ZNF385D: variants seen among roughly 807,000 people sequenced by gnomAD.
The protein encoded by ZNF385D is zinc finger protein 385D.
In ZNF385D, 15 loss-of-function variants were observed where a neutral mutation model predicts 35.8. That is an observed-to-expected ratio of 0.42 (90% CI 0.28 to 0.64). The LOEUF (loss-of-function observed/expected upper bound fraction) is 0.64, where lower values mean the gene tolerates loss of function less well. ZNF385D is among the 30% of genes least tolerant of loss of function. The pLI is 0.23. For synonymous variants in ZNF385D, 212 were observed against 186.8 expected, an observed-to-expected ratio of 1.13 and a Z score of -1.10; for missense variants, 474 against 494.6, an observed-to-expected ratio of 0.96 and a Z score of 0.39.
At chr3:21,782,792 A>G (rs892102013) in intron 3 of ZNF385D, among the ~76,000 whole-genome samples, 4 of 152,130 alleles carry the variant, frequency 2.6e-5, no homozygotes, top group Non-Finnish European at 5.9e-5. Context: ...TTAGGGTGAG[A>G]GTGATAAAAT....
Position 22,144,313 on chromosome 3 carries a change from C to T in ZNF385D, c.325+24504G>A, listed in dbSNP as rs372205213. Among the ~76,000 whole-genome samples the T allele has an allele frequency of 8.5e-5, 13 of 152,174 alleles. 2 individuals are homozygous for T. Among genetic ancestry groups the T allele is most frequent in the East Asian group, 5.8e-4 (3 of 5,172 alleles). On this transcript the variant is annotated intron_variant, in intron 3 of 5. Coordinates refer to the ZNF385D transcript ENST00000494108. ...ATGTGGTCAGGCATGGGAGCTCACACCTGTAATCTCAGCACTACTGGAGGC... is the reference window on the plus strand; with the variant it reads ...ATGTGGTCAGGCATGGGAGCTCACATCTGTAATCTCAGCACTACTGGAGGC...
At position 21,437,145 on chromosome 3, in the gene ZNF385D, G is replaced by C; in HGVS notation, c.498C>G (p.Ser166Arg). ...STTTTVEIRK[S>R]SVMTTEITSK... Reference sequence around the variant, plus strand: ...AGGTGATCTCAGTTGTCATAACACTGCTTTTGCGGATTTCCACAGTTGTCG... The same window carrying C: ...AGGTGATCTCAGTTGTCATAACACTCCTTTTGCGGATTTCCACAGTTGTCG... The change falls in exon 5 of 8, where the codon AGC (serine) becomes AGG (arginine). Residue 166 changes from serine (S) to arginine (R), a missense_variant. Ser to Arg is a moderately radical substitution (Grantham distance 110). Coordinates refer to ENST00000281523, the MANE Select transcript of ZNF385D (RefSeq NM_024697.3). 6.2e-7 allele frequency: 1 copy of C among 1,613,868 alleles called. No individual in the cohort carries two copies. The highest frequency in any genetic ancestry group is 1.1e-5 in the South Asian group (1 of 91,086).
intron 3 of ZNF385D, among the ~76,000 whole-genome samples, chr3:22,114,332 A>C (rs1459011247): frequency 6.6e-6 from 1 of 152,148 alleles, no homozygotes; most frequent in African/African-American, 2.4e-5. Flanking sequence ...GAAAACTGAT[A>C]AACAGTCTGT....
chr3:21,813,239 G>C lies in ZNF385D; in HGVS notation c.326-148211C>G, dbSNP rs1193995308. Among the ~76,000 whole-genome samples the C allele has an allele frequency of 3.6e-5, 4 of 112,174 alleles. No individual in the cohort carries two copies. In the East Asian group the frequency reaches 8.1e-4, roughly 23 times the overall value. 73.6% of individuals were successfully genotyped at this position (112,174 alleles called of 152,430 possible). A position where few individuals can be genotyped will look rare whatever the true frequency, so the allele number is the denominator to read the frequency against. Reference sequence around the variant, plus strand: ...AAAGGTAAATAAAACCACAAAGATGGGGAGAAACCAGCACAGAAAAGCTGA... The same window carrying C: ...AAAGGTAAATAAAACCACAAAGATGCGGAGAAACCAGCACAGAAAAGCTGA... On this transcript the variant is annotated intron_variant, in intron 3 of 5. Transcript: ENST00000494108.
intron 3 of ZNF385D, among the ~76,000 whole-genome samples, chr3:22,150,854 G>A (rs1359688603): frequency 6.6e-6 from 1 of 152,000 alleles, no homozygotes; most frequent in African/African-American, 2.4e-5. Context: ...ATAAGGGTGG[G>A]TTCCTCAGGA....
chr3:22,370,095 G>A (rs1050703991), intron 2 of ZNF385D, among the ~76,000 whole-genome samples: 1 of 152,166 alleles, frequency 6.6e-6, no homozygotes, highest in South Asian at 2.1e-4. Context: ...AGCAGGGGTA[G>A]TAATTGTTTT....
intron 3 of ZNF385D, among the ~76,000 whole-genome samples, chr3:22,016,007 T>C (rs1328277215): frequency 6.6e-6 from 1 of 152,158 alleles, no homozygotes; most frequent in Non-Finnish European, 1.5e-5. Context: ...TCTCCTATTG[T>C]TAAGAAGCAT....
chr3:21,746,753 A>T (rs1423945542), intron 1 of ZNF385D, among the ~76,000 whole-genome samples: 1 of 152,180 alleles, frequency 6.6e-6, no homozygotes, highest in Non-Finnish European at 1.5e-5. Flanking sequence ...AACTAATTAG[A>T]AGGAGTTAAA....
At chr3:22,050,305 T>A (rs1699271700) in intron 3 of ZNF385D, among the ~76,000 whole-genome samples, 1 of 151,704 alleles carries the variant, frequency 6.6e-6, no homozygotes, top group Non-Finnish European at 1.5e-5. Flanking sequence ...GACGCTCCAG[T>A]GAAGCATGAT....
intron 1 of ZNF385D, among the ~76,000 whole-genome samples, chr3:21,732,041 T>G (rs1420386236): frequency 0.037 from 1,022 of 27,530 alleles, 253 homozygotes; most frequent in Non-Finnish European, 0.057. Flanking sequence ...TTTTTTTTTT[T>G]TTTTTTTTTT....
intron 3 of ZNF385D, among the ~76,000 whole-genome samples, chr3:22,121,123 C>G (rs1274653758): frequency 6.6e-6 from 1 of 152,162 alleles, no homozygotes; most frequent in Non-Finnish European, 1.5e-5. Context: ...AATGTGTTTT[C>G]ATTTTATCAA....
At chr3:22,137,943 C>T (rs1704255455) in intron 3 of ZNF385D, among the ~76,000 whole-genome samples, 2 of 152,116 alleles carry the variant, frequency 1.3e-5, no homozygotes, top group Non-Finnish European at 2.9e-5. Context: ...CCCAAAATCT[C>T]CTTAAGCTGA....
At chr3:21,648,688 A>G (rs537875150) in intron 2 of ZNF385D, among the ~76,000 whole-genome samples, 3 of 152,250 alleles carry the variant, frequency 2.0e-5, no homozygotes, top group South Asian at 2.1e-4. Flanking sequence ...GAATTCATCA[A>G]ATTTGAAGAG....
intron 3 of ZNF385D, among the ~76,000 whole-genome samples, chr3:21,818,798 T>G (rs2073271353): frequency 1.3e-5 from 2 of 151,938 alleles, no homozygotes; most frequent in African/African-American, 4.8e-5. Context: ...TTAATATATT[T>G]TAAATTTTCC....
At chr3:21,823,238 G>A (rs1694388972) in intron 3 of ZNF385D, among the ~76,000 whole-genome samples, 1 of 152,088 alleles carries the variant, frequency 6.6e-6, no homozygotes, top group Non-Finnish European at 1.5e-5. Context: ...TATGTAGTTG[G>A]TTATTCATAC....
At chr3:22,190,841 A>C (rs547073052) in intron 2 of ZNF385D, among the ~76,000 whole-genome samples, 2 of 152,198 alleles carry the variant, frequency 1.3e-5, no homozygotes, top group South Asian at 2.1e-4. Context: ...GGTGTAATTT[A>C]ATCTAGTTTA....
chr3:22,104,557 T>G (rs1335765011), intron 3 of ZNF385D, among the ~76,000 whole-genome samples: 1 of 152,144 alleles, frequency 6.6e-6, no homozygotes, highest in African/African-American at 2.4e-5. Context: ...TGCCGCGTTG[T>G]GTACTTCTTA....
chr3:22,305,630 G>C (rs1011892823), intron 2 of ZNF385D, among the ~76,000 whole-genome samples: 7 of 152,104 alleles, frequency 4.6e-5, no homozygotes, highest in Admixed American at 6.5e-5. Context: ...TTAAGAACTT[G>C]TGCCCAGAGA....
chr3:22,334,720 TTTA>T (rs1390168040), intron 2 of ZNF385D, among the ~76,000 whole-genome samples: 1 of 152,124 alleles, frequency 6.6e-6, no homozygotes, highest in Admixed American at 6.5e-5. Context: ...TTACCCTACT[TTTA>T]TTATTTTTTT....
Sources: gnomAD v4.1 joint callset for allele counts (sites outside exome capture counted in the v4.1 genomes callset) on GRCh38, gnomAD v4.1.1 for gene constraint, MANE v1.5 for transcripts, NCBI Gene and HGNC (gene_info 2026-07-23, HGNC 2026-07-21) for gene names.